The following NXPE2 variants were observed in gnomAD, a reference collection of about 807,000 sequenced individuals.
NXPE2 encodes the protein NXPE family member 2.
A neutral mutation model predicts 34.4 loss-of-function variants in NXPE2; 34 were observed. The observed-to-expected ratio is 0.99, with a 90% CI of 0.75 to 1.31. NXPE2 has a LOEUF of 1.31. Among genes scored for constraint, NXPE2 ranks in the 40% most tolerant of loss-of-function variants. NXPE2 has a pLI of 0.00. For missense variants in NXPE2, 649 were observed against 672.5 expected (o/e 0.97, Z 0.39); for synonymous variants, 235 against 231.3 (o/e 1.02, Z -0.15).
At chr11:114,530,245 G>GAGCCTCATGA in the NXPE2 span, 5 of 1,614,118 alleles carry the variant, frequency 3.1e-6, no homozygotes, top group Non-Finnish European at 4.2e-6. Flanking sequence ...ATGTAGGTCA[G>GAGCCTCATGA]AGCCTCACAG....
chr11:114,783,181 TTC>T, the NXPE2 span, among the ~76,000 whole-genome samples: 1 of 152,206 alleles, frequency 6.6e-6, no homozygotes, highest in Non-Finnish European at 1.5e-5. Flanking sequence ...GGACACGTGC[TTC>T]TCTCCCAGCA....
chr11:114,663,696 A>ATCTATCTGTCTG, the NXPE2 span, among the ~76,000 whole-genome samples: 19 of 151,158 alleles, frequency 1.3e-4, no homozygotes, highest in Admixed American at 1.3e-3. Context: ...CTATCTATCT[A>ATCTATCTGTCTG]TCTATCTATC....
the NXPE2 span, among the ~76,000 whole-genome samples, chr11:114,793,892 C>T: frequency 0.01 from 1,538 of 152,296 alleles, 20 homozygotes; most frequent in African/African-American, 0.035. Flanking sequence ...ATGCTAATTT[C>T]TATCACCATT....
the NXPE2 span, among the ~76,000 whole-genome samples, chr11:114,746,972 A>G: frequency 6.6e-6 from 1 of 151,338 alleles, no homozygotes; most frequent in Non-Finnish European, 1.5e-5. Flanking sequence ...TCTTGTTGCC[A>G]TGTTAGTGTG....
chr11:114,618,701 G>C, the NXPE2 span, among the ~76,000 whole-genome samples: 1 of 152,036 alleles, frequency 6.6e-6, no homozygotes, highest in African/African-American at 2.4e-5. Context: ...AATAAGTGCT[G>C]TGTCGTGGGT....
chr11:114,503,900 T>C, the NXPE2 span, among the ~76,000 whole-genome samples: 3 of 152,216 alleles, frequency 2.0e-5, no homozygotes, highest in African/African-American at 7.2e-5. Context: ...GAGCACTCTT[T>C]GGTCTACTGG....
the NXPE2 span, among the ~76,000 whole-genome samples, chr11:114,747,700 C>G: frequency 2.6e-5 from 4 of 152,198 alleles, no homozygotes; most frequent in East Asian, 7.7e-4. Context: ...GAGAACCATG[C>G]GGAGAAACCA....
the NXPE2 span, among the ~76,000 whole-genome samples, chr11:114,576,878 A>G: frequency 6.6e-6 from 1 of 151,216 alleles, no homozygotes; most frequent in Admixed American, 6.6e-5. Flanking sequence ...CGAAAAAAAT[A>G]CTTGTACACA....
chr11:114,812,923 G>A, the NXPE2 span, among the ~76,000 whole-genome samples: 21 of 152,242 alleles, frequency 1.4e-4, no homozygotes, highest in African/African-American at 4.3e-4. Context: ...GTAAATCATC[G>A]GAGATGTCAG....
chr11:114,592,733 G>A, the NXPE2 span, among the ~76,000 whole-genome samples: 2 of 152,078 alleles, frequency 1.3e-5, no homozygotes, highest in Admixed American at 1.3e-4. Context: ...GCAATTCTGA[G>A]CAAAAAGAAC....
the NXPE2 span, among the ~76,000 whole-genome samples, chr11:114,523,615 A>G: frequency 6.6e-6 from 1 of 152,214 alleles, no homozygotes; most frequent in Non-Finnish European, 1.5e-5. Context: ...GACTTTGCTA[A>G]AAGCAACATG....
the NXPE2 span, among the ~76,000 whole-genome samples, chr11:114,548,150 T>G: frequency 1.3e-5 from 2 of 152,074 alleles, no homozygotes; most frequent in Non-Finnish European, 2.9e-5. Flanking sequence ...GCAATGAATA[T>G]TTATGCACCG....
chr11:114,749,127 G>C, the NXPE2 span, among the ~76,000 whole-genome samples: 1 of 152,196 alleles, frequency 6.6e-6, no homozygotes, highest in East Asian at 1.9e-4. Flanking sequence ...GTTCCTTTTA[G>C]TAAAGCATAC....
the NXPE2 span, among the ~76,000 whole-genome samples, chr11:114,790,659 C>T: frequency 6.6e-6 from 1 of 152,178 alleles, no homozygotes; most frequent in East Asian, 1.9e-4. Context: ...CCCTGCTCCT[C>T]AACCATGGGG....
chr11:114,640,785 C>G, the NXPE2 span, among the ~76,000 whole-genome samples: 1 of 151,888 alleles, frequency 6.6e-6, no homozygotes, highest in East Asian at 1.9e-4. Context: ...GTAATTTACT[C>G]ACTTTATAAT....
chr11:114,594,432 T>C, the NXPE2 span, among the ~76,000 whole-genome samples: 3 of 152,300 alleles, frequency 2.0e-5, 1 homozygote, highest in East Asian at 5.8e-4. Flanking sequence ...TTGAAGAAGA[T>C]AGGTGCAATG....
the NXPE2 span, among the ~76,000 whole-genome samples, chr11:114,801,094 T>C: frequency 6.6e-6 from 1 of 152,312 alleles, no homozygotes; most frequent in Admixed American, 6.5e-5. Flanking sequence ...CCAGAAGCTA[T>C]TCTAGATGCT....
At chr11:114,733,495 G>A in the NXPE2 span, among the ~76,000 whole-genome samples, 2 of 152,174 alleles carry the variant, frequency 1.3e-5, no homozygotes, top group Non-Finnish European at 2.9e-5. Context: ...TCCTGCTTCA[G>A]GTGATTTGGG....
the NXPE2 span, among the ~76,000 whole-genome samples, chr11:114,738,599 G>A: frequency 6.6e-6 from 1 of 152,122 alleles, no homozygotes; most frequent in African/African-American, 2.4e-5. Context: ...AGCCATGTTC[G>A]AGGAGTAAAG....
Sources: allele counts gnomAD v4.1 joint callset (sites outside exome capture counted in the v4.1 genomes callset), GRCh38; gene constraint gnomAD v4.1.1; transcripts MANE v1.5; gene names NCBI Gene and HGNC (gene_info 2026-07-23, HGNC 2026-07-21).